DTYMK: variants seen among roughly 807,000 people sequenced by gnomAD.
The protein encoded by DTYMK is thymidylate kinase.
Under a neutral mutation model 20.3 loss-of-function variants are expected in DTYMK, and 20 were observed. The observed-to-expected ratio is 0.99, with a 90% CI of 0.69 to 1.43. The LOEUF is 1.43. Ranked by LOEUF, DTYMK falls within the 40% of genes most tolerant of loss-of-function variation. The pLI is 0.00. For synonymous variants in DTYMK, 148 were observed against 124.4 expected, an observed-to-expected ratio of 1.19 and a Z score of -1.27; for missense variants, 320 against 291.1, an observed-to-expected ratio of 1.10 and a Z score of -0.72.
At chr2:241,685,636 A>G (rs2069371554) in intron 2 of DTYMK, 133 bp downstream of exon 2, 1 of 949,804 alleles carries the variant, frequency 1.1e-6, no homozygotes, top group Non-Finnish European at 1.6e-6. Context: ...CTCTGCCCAC[A>G]GGACTGCTAA....
chr2:241,686,814 A>C lies in DTYMK; in HGVS notation c.-31T>G, dbSNP rs968194268. On this transcript the variant is annotated 5_prime_UTR_variant, in exon 1 of 5. Coordinates refer to ENST00000305784, the MANE Select transcript of DTYMK (RefSeq NM_012145.4). ...TCCACCGCCCGCCGCTGGCGTCTCC[A>C]CGCAGCCTTCCGGAGCTCCCATTGG... 1.5e-5 allele frequency: 22 copies of C among 1,431,694 alleles called. No individual in the cohort carries two copies. Among genetic ancestry groups the C allele is most frequent in the Non-Finnish European group, 1.8e-5 (20 of 1,102,364 alleles). 88.7% of individuals were successfully genotyped at this position (1,431,694 alleles called of 1,614,324 possible). A position where few individuals can be genotyped will look rare whatever the true frequency, so the allele number is the denominator to read the frequency against.
rs1364585153 is a variant in DTYMK at position 241,676,194 on chromosome 2, A to T, written c.572T>A (p.Ile191Asn). The T allele has an allele frequency of 6.2e-7, 1 of 1,613,212 alleles. No individual in the cohort carries two copies. Among genetic ancestry groups the T allele is most frequent in the Non-Finnish European group, 8.5e-7 (1 of 1,179,822 alleles). Residue 191 changes from isoleucine (I) to asparagine (N), a missense_variant, in exon 5 of 5, where the codon ATC becomes AAC. Coordinates refer to ENST00000305784, the MANE Select transcript of DTYMK (RefSeq NM_012145.4). Reference protein sequence around the residue: ...SKSIEAVHEDIRVLSEDAIRT... With the variant: ...SKSIEAVHEDNRVLSEDAIRT... ...GATGGCGTCCTCAGAGAGCACGCGG[A>T]TGTCCTCATGGACAGCTTCGATGCT... is the stretch of plus-strand genomic sequence containing the variant.
At chr2:241,682,745 A>C in intron 2 of DTYMK, 1 of 168,644 alleles carries the variant, frequency 5.9e-6, no homozygotes, top group Non-Finnish European at 1.3e-5. Flanking sequence ...AACATGACGA[A>C]ACCCCATCAC....
At chr2:241,680,724 G>T (rs921993402) in intron 2 of DTYMK, among the ~76,000 whole-genome samples, 2 of 152,120 alleles carry the variant, frequency 1.3e-5, no homozygotes, top group Non-Finnish European at 2.9e-5. Flanking sequence ...AATCTCATAT[G>T]ACAACAAGTA....
chr2:241,681,107 C>G (rs2069248224), intron 2 of DTYMK, among the ~76,000 whole-genome samples: 1 of 152,198 alleles, frequency 6.6e-6, no homozygotes, highest in South Asian at 2.1e-4. Flanking sequence ...ATCATCCCTA[C>G]AGCTGCCAAG....
rs766157731 is a variant in DTYMK at position 241,680,326 on chromosome 2, A to G, written c.240-7T>C. 6.8e-6 allele frequency: 11 copies of G among 1,613,918 alleles called. No homozygotes were observed. The highest frequency in any genetic ancestry group is 9.3e-6 in the Non-Finnish European group (11 of 1,179,944). On this transcript the variant is annotated splice_region_variant and splice_polypyrimidine_tract_variant and intron_variant, in intron 2 of 4. Coordinates refer to ENST00000305784, the MANE Select transcript of DTYMK (RefSeq NM_012145.4). ...CTTTTCCTTAATTAACGGCCTGAAA[A>G]AGAGGATGCTCCTGAGCCCTGGTCC... is the stretch of plus-strand genomic sequence containing the variant.
chr2:241,680,928 T>G (rs62191282), intron 2 of DTYMK, among the ~76,000 whole-genome samples: 29,830 of 152,086 alleles, frequency 0.2, 3,240 homozygotes, highest in East Asian at 0.28. Context: ...GCTGTCTTGG[T>G]CAGAGAGGCC....
chr2:241,680,339 T>C lies in DTYMK; in HGVS notation c.240-20A>G, dbSNP rs764968539. 1.2e-6 allele frequency: 2 copies of C among 1,613,664 alleles called. No individual in the cohort carries two copies. The highest frequency in any genetic ancestry group is 1.1e-5 in the South Asian group (1 of 91,052). On this transcript the variant is annotated intron_variant, in intron 2 of 4. Coordinates refer to ENST00000305784, the MANE Select transcript of DTYMK (RefSeq NM_012145.4). The stretch of plus-strand genomic sequence containing the variant: ...AACGGCCTGAAAAAGAGGATGCTCC[T>C]GAGCCCTGGTCCTGTTTCATAGGCC...
intron 3 of DTYMK, among the ~76,000 whole-genome samples, chr2:241,679,110 A>C (rs2069183387): frequency 6.6e-6 from 1 of 152,202 alleles, no homozygotes; most frequent in African/African-American, 2.4e-5. Context: ...GAGCAGGAAG[A>C]AGACAGGCAC....
intron 4 of DTYMK, 54 bp from the exon 5 acceptor site, chr2:241,676,291 TG>T: frequency 1.3e-6 from 2 of 1,531,778 alleles, no homozygotes; most frequent in South Asian, 2.4e-5. Flanking sequence ...CGTTCCAGGC[TG>T]GTCACGGGAG....
chr2:241,678,494 C>A lies in DTYMK; in HGVS notation c.486G>T (p.Arg162=), dbSNP rs547683498. ...TGTCTTTCATGAGCTGGTGGAAACA[C>A]CGGAGCGCCCGCTCCTGGAAAGCCC... ...ENGAFQERAL[R]CFHQLMKDTT... The change falls in exon 4 of 5, where the codon CGG becomes CGT. Residue 162 remains arginine (R), a synonymous_variant. Coordinates refer to ENST00000305784, the MANE Select transcript of DTYMK (RefSeq NM_012145.4). 3.1e-6 allele frequency: 5 copies of A among 1,614,076 alleles called. No homozygotes were observed. The highest frequency in any genetic ancestry group is 4.2e-6 in the Non-Finnish European group (5 of 1,180,044).
rs778053080 is a variant in DTYMK at position 241,685,761 on chromosome 2, G to C, written c.239+8C>G. The C allele has an allele frequency of 6.2e-7, 1 of 1,613,538 alleles. No individual in the cohort carries two copies. Among genetic ancestry groups the C allele is most frequent in the Non-Finnish European group, 8.5e-7 (1 of 1,179,494 alleles). ...AGGGCAGAGGGAGCAGTGTGCAATG[G>C]TTTTTACACTTGTTCCCAGCGATTT... On this transcript the variant is annotated splice_region_variant and intron_variant, in intron 2 of 4. Transcript: ENST00000305784.
intron 4 of DTYMK, among the ~76,000 whole-genome samples, chr2:241,677,819 C>T (rs2069150805): frequency 6.6e-6 from 1 of 152,210 alleles, no homozygotes; most frequent in African/African-American, 2.4e-5. Context: ...TGCTGCAGGG[C>T]CCATGCCCAG....
intron 4 of DTYMK, 73 bp downstream of exon 4, chr2:241,678,379 C>T (rs1272341369): frequency 5.0e-6 from 8 of 1,591,280 alleles, no homozygotes; most frequent in Non-Finnish European, 6.9e-6. Flanking sequence ...GCTGACACAA[C>T]TGTGCCAGCC....
intron 3 of DTYMK, among the ~76,000 whole-genome samples, chr2:241,679,837 T>C (rs1358882908): frequency 1.3e-5 from 2 of 151,950 alleles, no homozygotes; most frequent in African/African-American, 4.8e-5. Context: ...GGCACGGTGG[T>C]GCATGCCTAT....
At chr2:241,678,809 G>C (rs4675903) in intron 3 of DTYMK, among the ~76,000 whole-genome samples, 160 bp from the exon 4 acceptor site, 29,999 of 152,100 alleles carry the variant, frequency 0.2, 3,268 homozygotes, top group East Asian at 0.27. Flanking sequence ...CAAACGTGTC[G>C]GTTTCTCCAG....
At chr2:241,676,962 A>T (rs1036581382) in intron 4 of DTYMK, among the ~76,000 whole-genome samples, 1 of 152,244 alleles carries the variant, frequency 6.6e-6, no homozygotes, top group South Asian at 2.1e-4. Context: ...CTTGCGGGGA[A>T]GATGAATTTG....
intron 4 of DTYMK, 102 bp downstream of exon 4, chr2:241,678,350 C>A: frequency 6.6e-7 from 1 of 1,518,336 alleles, no homozygotes; most frequent in Non-Finnish European, 9.0e-7. Flanking sequence ...GAGGACCAGA[C>A]GGAAACGGCA....
At chr2:241,683,388 T>C (rs1456380765) in intron 2 of DTYMK, among the ~76,000 whole-genome samples, 2 of 152,134 alleles carry the variant, frequency 1.3e-5, no homozygotes, top group East Asian at 1.9e-4. Flanking sequence ...GCAGGCTGCA[T>C]GCAGCCCAAC....
Sources: allele counts gnomAD v4.1 joint callset (sites outside exome capture counted in the v4.1 genomes callset), GRCh38; gene constraint gnomAD v4.1.1; transcripts MANE v1.5; gene names NCBI Gene and HGNC (gene_info 2026-07-23, HGNC 2026-07-21).